ACYP2: variants seen among roughly 807,000 people sequenced by gnomAD.
ACYP2 encodes the protein acylphosphatase 2, also known as acylphosphatase-2.
Under a neutral mutation model 11.2 loss-of-function variants are expected in ACYP2, and 12 were observed. That is an observed-to-expected ratio of 1.08 (90% confidence interval 0.69 to 1.74). The LOEUF is 1.74. Among genes scored for constraint, ACYP2 ranks in the 40% most tolerant of loss-of-function variants. ACYP2 has a pLI of 0.00. For missense variants in ACYP2, 134 were observed against 101.9 expected (o/e 1.31, Z -1.35); for synonymous variants, 43 against 32.2 (o/e 1.33, Z -1.13).
At chr2:53,990,866 G>A (rs940063854) in intron 2 of ACYP2, among the ~76,000 whole-genome samples, 3 of 151,518 alleles carry the variant, frequency 2.0e-5, no homozygotes, top group Middle Eastern at 3.4e-3. Context: ...GCGCGATCTC[G>A]GCTCACTGCC....
At chr2:54,075,511 AAAAG>A (rs747607925) in intron 4 of ACYP2, among the ~76,000 whole-genome samples, 9 of 120,262 alleles carry the variant, frequency 7.5e-5, no homozygotes, top group African/African-American at 1.7e-4. Flanking sequence ...ATTAAAAAAA[AAAAG>A]AAAGAAAAAA....
rs536263017 is a variant in ACYP2 at position 54,048,951 on chromosome 2, T to C, written c.63-2007T>C. 3.3e-5 allele frequency among the ~76,000 whole-genome samples: 5 copies of C among 152,228 alleles called. No homozygotes were observed. In the East Asian group the frequency reaches 7.7e-4, roughly 24 times the overall value. ...AGAGATTCTCTGAGAATTTGCTATG[T>C]GTCAGTGTCTGTTCTGAGATAGGTT... is the stretch of plus-strand genomic sequence containing the variant. On this transcript the variant is annotated intron_variant, in intron 2 of 6. Transcript: ENST00000607452.
chr2:54,274,507 G>A (rs1313983320), intron 6 of ACYP2, among the ~76,000 whole-genome samples: 1 of 151,558 alleles, frequency 6.6e-6, no homozygotes, highest in Non-Finnish European at 1.5e-5. Context: ...CAGGTACGGT[G>A]GTGCACACCT....
At chr2:54,182,683 C>G (rs1164241890) in intron 6 of ACYP2, among the ~76,000 whole-genome samples, 1 of 152,186 alleles carries the variant, frequency 6.6e-6, no homozygotes, top group Non-Finnish European at 1.5e-5. Context: ...ACAGCCTTGT[C>G]TCTTGGGCCT....
chr2:54,104,757 A>T (rs1679062132), intron 4 of ACYP2, among the ~76,000 whole-genome samples: 1 of 152,210 alleles, frequency 6.6e-6, no homozygotes, highest in African/African-American at 2.4e-5. Context: ...CTTTTTAACA[A>T]CTGCTGATGG....
chr2:53,975,205 C>T, intron 2 of ACYP2: 1 of 379,246 alleles, frequency 2.6e-6, no homozygotes, highest in Non-Finnish European at 4.6e-6. Context: ...AACCTGGCGA[C>T]AGAGCGAGAC....
intron 6 of ACYP2, among the ~76,000 whole-genome samples, chr2:54,236,710 G>A (rs1182069082): frequency 1.3e-5 from 2 of 152,232 alleles, no homozygotes; most frequent in South Asian, 4.1e-4. Context: ...TACGTAAAAA[G>A]TATTGTTCAA....
At chr2:54,190,580 C>T (rs1010592029) in intron 6 of ACYP2, among the ~76,000 whole-genome samples, 15 of 152,066 alleles carry the variant, frequency 9.9e-5, no homozygotes, top group African/African-American at 3.4e-4. Flanking sequence ...ACTCTACTGC[C>T]ATGATCTTCT....
intron 6 of ACYP2, among the ~76,000 whole-genome samples, chr2:54,162,275 T>A (rs541209146): frequency 6.6e-6 from 1 of 152,352 alleles, no homozygotes; most frequent in East Asian, 1.9e-4. Flanking sequence ...TTATAGCTGT[T>A]GCTATAGTAA....
chr2:54,294,691 G>A lies in ACYP2; in HGVS notation c.405-9997G>A, dbSNP rs991782460. ...CTTGGGAGGCTGAGGTGTGAGAAGT[G>A]CTTAAGGCCAGGAGTTTGAGACCAG... On this transcript the variant is annotated intron_variant, in intron 6 of 6. Coordinates refer to ENST00000607452, the MANE Select transcript of ACYP2 (RefSeq NM_001320586.2). Among the ~76,000 whole-genome samples, 30 of 151,868 alleles carry A rather than the reference G, an allele frequency of 2.0e-4. 6 individuals carry two copies. Among genetic ancestry groups the A allele is most frequent in the Admixed American group, 1.9e-3 (29 of 15,228 alleles).
intron 4 of ACYP2, among the ~76,000 whole-genome samples, chr2:54,133,283 C>T (rs11884327): frequency 0.09 from 13,632 of 152,164 alleles, 1,215 homozygotes; most frequent in African/African-American, 0.23. Context: ...GTGATTCATA[C>T]GTGTTGTTGC....
At chr2:54,188,478 G>A (rs138079609) in intron 6 of ACYP2, among the ~76,000 whole-genome samples, 60 of 152,052 alleles carry the variant, frequency 3.9e-4, no homozygotes, top group African/African-American at 1.4e-3. Flanking sequence ...TATAATATTC[G>A]AACTTTCTAA....
intron 2 of ACYP2, among the ~76,000 whole-genome samples, chr2:54,006,436 C>G (rs943177596): frequency 6.6e-6 from 1 of 152,036 alleles, no homozygotes; most frequent in Non-Finnish European, 1.5e-5. Context: ...CATGAGCCAC[C>G]GCGCCCGGCC....
chr2:53,979,302 T>C (rs1671640175), intron 2 of ACYP2, among the ~76,000 whole-genome samples: 2 of 152,008 alleles, frequency 1.3e-5, no homozygotes, highest in East Asian at 1.9e-4. Flanking sequence ...AGAAAAAATA[T>C]ATAAAAGTTT....
chr2:54,069,739 C>A (rs1676930932), intron 4 of ACYP2, among the ~76,000 whole-genome samples: 1 of 152,104 alleles, frequency 6.6e-6, no homozygotes, highest in Non-Finnish European at 1.5e-5. Context: ...CATGATGCTA[C>A]CATATTTTGA....
chr2:54,227,573 G>A (rs1041120566), intron 6 of ACYP2, among the ~76,000 whole-genome samples: 4 of 151,542 alleles, frequency 2.6e-5, no homozygotes, highest in African/African-American at 7.3e-5. Flanking sequence ...CTGGAAGGCC[G>A]AGACTGCGCC....
chr2:54,296,288 C>G (rs1033293654), intron 6 of ACYP2, among the ~76,000 whole-genome samples: 1 of 152,142 alleles, frequency 6.6e-6, no homozygotes, highest in Non-Finnish European at 1.5e-5. Context: ...TGCTGGCTTC[C>G]AAAGCAATAA....
chr2:54,091,056 G>C (rs1011638146), intron 4 of ACYP2, among the ~76,000 whole-genome samples: 1 of 152,200 alleles, frequency 6.6e-6, no homozygotes, highest in Non-Finnish European at 1.5e-5. Context: ...AGGCAGAGAA[G>C]AAACTCTACT....
intron 4 of ACYP2, among the ~76,000 whole-genome samples, chr2:54,090,051 A>G (rs1040486462): frequency 6.6e-6 from 1 of 151,462 alleles, no homozygotes; most frequent in African/African-American, 2.4e-5. Flanking sequence ...AGGCTGAGTC[A>G]GGTGAATCTC....
Sources: allele counts gnomAD v4.1 joint callset (sites outside exome capture counted in the v4.1 genomes callset), GRCh38; gene constraint gnomAD v4.1.1; transcripts MANE v1.5; gene names NCBI Gene and HGNC (gene_info 2026-07-23, HGNC 2026-07-21).